Variants in RAB38 observed in about 807,000 individuals in gnomAD.
The protein encoded by RAB38 is RAB38, member RAS oncogene family.
Under a neutral mutation model 18.4 loss-of-function variants are expected in RAB38, and 15 were observed. The ratio of observed to expected loss-of-function variants is 0.82; its 90% CI spans 0.55 to 1.26. The LOEUF (loss-of-function observed/expected upper bound fraction) is 1.26, where lower values mean the gene tolerates loss of function less well. Among genes scored for constraint, RAB38 ranks in the 50% most tolerant of loss-of-function variants. The pLI is 0.00. For missense variants in RAB38, 294 were observed against 267.4 expected (o/e 1.10, Z -0.69); for synonymous variants, 101 against 104.4 (o/e 0.97, Z 0.20).
At chr11:88,089,496 C>T in the RAB38 span, among the ~76,000 whole-genome samples, 1 of 151,888 alleles carries the variant, frequency 6.6e-6, no homozygotes, top group South Asian at 2.1e-4. Context: ...AATATATTTC[C>T]TGAGTGCCTC....
chr11:87,923,965 A>G, the RAB38 span, among the ~76,000 whole-genome samples: 5 of 151,772 alleles, frequency 3.3e-5, no homozygotes, highest in African/African-American at 4.8e-5. Context: ...AAAATTGAAA[A>G]AAAAAAAAAC....
chr11:88,130,056 C>A (rs944434036), intron 2 of RAB38, among the ~76,000 whole-genome samples: 2 of 151,910 alleles, frequency 1.3e-5, no homozygotes, highest in Admixed American at 6.6e-5. Flanking sequence ...ATTCCACAAA[C>A]TGGAAAATAG....
chr11:87,844,784 C>A, the RAB38 span, among the ~76,000 whole-genome samples: 3 of 152,104 alleles, frequency 2.0e-5, no homozygotes, highest in Admixed American at 6.6e-5. Flanking sequence ...AATAGGCAAG[C>A]CTTAACATAA....
the RAB38 span, among the ~76,000 whole-genome samples, chr11:87,947,943 T>C: frequency 6.6e-6 from 1 of 152,204 alleles, no homozygotes; most frequent in South Asian, 2.1e-4. Flanking sequence ...AAGTCATTGG[T>C]AGCTTGATGG....
chr11:87,859,386 GA>G, the RAB38 span, among the ~76,000 whole-genome samples: 21 of 151,868 alleles, frequency 1.4e-4, no homozygotes, highest in Admixed American at 1.2e-3. Flanking sequence ...ATAATGAAGG[GA>G]AAATTTATAG....
At position 88,113,777 on chromosome 11, in the gene RAB38, A is replaced by G. The variant is rs1942507161; in HGVS notation, c.*211T>C. ...GACAGAAGTTTGTAACAGACTAAATATTTTCAAAAGTTTGTAAACACTGTG... is the reference window on the plus strand; with the variant it reads ...GACAGAAGTTTGTAACAGACTAAATGTTTTCAAAAGTTTGTAAACACTGTG... On this transcript the variant is annotated 3_prime_UTR_variant, in exon 3 of 3. Coordinates refer to ENST00000243662, the MANE Select transcript of RAB38 (RefSeq NM_022337.3). 3.3e-6 allele frequency: 2 copies of G among 607,194 alleles called. No individual in the cohort carries two copies. Among genetic ancestry groups the G allele is most frequent in the East Asian group, 5.8e-5 (2 of 34,352 alleles). The allele number at this position is 607,194 out of a possible 1,614,324, so 37.6% of individuals were successfully genotyped here. A position where few individuals can be genotyped will look rare whatever the true frequency, so the allele number is the denominator to read the frequency against.
the RAB38 span, among the ~76,000 whole-genome samples, chr11:87,884,641 C>T: frequency 6.6e-6 from 1 of 151,898 alleles, no homozygotes; most frequent in Admixed American, 6.6e-5. Flanking sequence ...GGAAACTGAG[C>T]ACTAAAATAA....
At chr11:88,107,803 ATTCTGGTCTATTGTGTC>A in the RAB38 span, among the ~76,000 whole-genome samples, 11 of 152,222 alleles carry the variant, frequency 7.2e-5, no homozygotes, top group East Asian at 2.1e-3. Context: ...TGTCCCAGAG[ATTCTGGTCTATTGTGTC>A]TTTGTTCTCA....
the RAB38 span, among the ~76,000 whole-genome samples, chr11:87,862,873 AAAAT>A: frequency 1.6e-4 from 24 of 151,880 alleles, no homozygotes; most frequent in African/African-American, 4.8e-4. Flanking sequence ...AGTTTACATT[AAAAT>A]AAATAAATAA....
At chr11:87,937,870 G>GTTTTTTTTTTTTTTTTTTTTTTTTT in the RAB38 span, among the ~76,000 whole-genome samples, 1 of 92,026 alleles carries the variant, frequency 1.1e-5, no homozygotes, top group Non-Finnish European at 2.3e-5. Context: ...TCATTGAAGT[G>GTTTTTTTTTTTTTTTTTTTTTTTTT]TTTTTTTTTT....
intron 1 of RAB38, among the ~76,000 whole-genome samples, chr11:88,160,273 A>G (rs947546745): frequency 1.3e-5 from 2 of 152,192 alleles, no homozygotes; most frequent in Non-Finnish European, 2.9e-5. Context: ...CTACTATTTG[A>G]TACCATCTCA....
the RAB38 span, among the ~76,000 whole-genome samples, chr11:87,944,069 C>T: frequency 6.6e-6 from 1 of 152,048 alleles, no homozygotes; most frequent in Admixed American, 6.6e-5. Context: ...TACATGAATT[C>T]TTTGGTGTCC....
chr11:87,933,765 G>C, the RAB38 span, among the ~76,000 whole-genome samples: 3 of 151,668 alleles, frequency 2.0e-5, no homozygotes, highest in Non-Finnish European at 2.9e-5. Context: ...AAGACGGGAA[G>C]TCCTACCTAC....
chr11:87,844,821 A>G, the RAB38 span, among the ~76,000 whole-genome samples: 1 of 152,158 alleles, frequency 6.6e-6, no homozygotes, highest in East Asian at 1.9e-4. Context: ...CATGGGACAG[A>G]CCCAAACCAA....
the RAB38 span, among the ~76,000 whole-genome samples, chr11:88,053,017 T>C: frequency 4.1e-4 from 27 of 65,148 alleles, no homozygotes; most frequent in Admixed American, 2.1e-3. Flanking sequence ...TATATACACA[T>C]ATATATGGAA....
chr11:87,822,921 G>C, the RAB38 span, among the ~76,000 whole-genome samples: 2 of 152,046 alleles, frequency 1.3e-5, no homozygotes, highest in African/African-American at 2.4e-5. Flanking sequence ...AGGTAAAATA[G>C]ACATTAATAC....
At chr11:87,930,760 A>T in the RAB38 span, among the ~76,000 whole-genome samples, 1 of 152,086 alleles carries the variant, frequency 6.6e-6, no homozygotes, top group Non-Finnish European at 1.5e-5. Context: ...TAAGGAAGGG[A>T]TCCAGTTTCA....
chr11:88,173,452 G>A (rs1485769955), intron 1 of RAB38: 1 of 865,314 alleles, frequency 1.2e-6, no homozygotes, highest in Non-Finnish European at 1.4e-6. Flanking sequence ...TAAGGATCCA[G>A]ATGGAGGCAG....
At chr11:87,868,472 T>C in the RAB38 span, among the ~76,000 whole-genome samples, 3 of 151,320 alleles carry the variant, frequency 2.0e-5, no homozygotes, top group Non-Finnish European at 1.5e-5. Flanking sequence ...TCAAGTATTC[T>C]TTTACAGCAA....
Sources: gnomAD v4.1 joint callset for allele counts (sites outside exome capture counted in the v4.1 genomes callset) on GRCh38, gnomAD v4.1.1 for gene constraint, MANE v1.5 for transcripts, NCBI Gene and HGNC (gene_info 2026-07-23, HGNC 2026-07-21) for gene names.